Variants in NKAIN2 observed in about 807,000 individuals in gnomAD.
NKAIN2 encodes the protein sodium/potassium-transporting ATPase subunit beta-1-interacting protein 2.
In NKAIN2, 14 loss-of-function variants were observed where a neutral mutation model predicts 32.6. The ratio of observed to expected loss-of-function variants is 0.43; its 90% CI spans 0.28 to 0.67. NKAIN2 has a LOEUF of 0.67. Among genes scored for constraint, NKAIN2 ranks in the 30% least tolerant of loss-of-function variants. The pLI, the probability that NKAIN2 is intolerant of heterozygous loss-of-function variation, is 0.17. For synonymous variants in NKAIN2, 80 were observed against 87.2 expected, an observed-to-expected ratio of 0.92 and a Z score of 0.46; for missense variants, 198 against 258.3, an observed-to-expected ratio of 0.77 and a Z score of 1.60.
intron 3 of NKAIN2, among the ~76,000 whole-genome samples, chr6:124,604,994 A>C (rs2114987563): frequency 6.6e-6 from 1 of 151,984 alleles, no homozygotes; most frequent in African/African-American, 2.4e-5. Flanking sequence ...GAAAAGAAAA[A>C]CCCGGGCTTC....
intron 2 of NKAIN2, among the ~76,000 whole-genome samples, chr6:124,354,688 A>T (rs1798886773): frequency 6.6e-6 from 1 of 152,162 alleles, no homozygotes; most frequent in African/African-American, 2.4e-5. Flanking sequence ...GTTGTATCAG[A>T]CATATATGTT....
intron 2 of NKAIN2, among the ~76,000 whole-genome samples, chr6:124,307,312 T>G (rs1259673955): frequency 6.6e-6 from 1 of 152,162 alleles, no homozygotes; most frequent in Non-Finnish European, 1.5e-5. Flanking sequence ...TAAAATTTCT[T>G]GAACAACATG....
chr6:124,568,467 A>G (rs1781003295), intron 3 of NKAIN2, among the ~76,000 whole-genome samples: 2 of 152,182 alleles, frequency 1.3e-5, no homozygotes, highest in South Asian at 2.1e-4. Flanking sequence ...TAGGATGGCT[A>G]ATATTATTTT....
intron 1 of NKAIN2, among the ~76,000 whole-genome samples, chr6:123,860,402 G>A (rs2171970): frequency 0.77 from 117,412 of 152,128 alleles, 45,748 homozygotes; most frequent in Non-Finnish European, 0.81. Flanking sequence ...AGCGTTTAAA[G>A]TAATAGTGTA....
intron 3 of NKAIN2, among the ~76,000 whole-genome samples, chr6:124,408,313 G>A (rs940558409): frequency 9.2e-5 from 14 of 152,054 alleles, no homozygotes; most frequent in Admixed American, 5.9e-4. Context: ...TTTCTTCTAG[G>A]GTTTTTATGG....
At chr6:123,808,393 G>A (rs1254220777) in intron 1 of NKAIN2, among the ~76,000 whole-genome samples, 1 of 152,122 alleles carries the variant, frequency 6.6e-6, no homozygotes, top group Non-Finnish European at 1.5e-5. Flanking sequence ...AATATGTTGA[G>A]TTTGCTAAGT....
At chr6:124,760,201 G>A (rs1417628166) in intron 4 of NKAIN2, among the ~76,000 whole-genome samples, 1 of 152,080 alleles carries the variant, frequency 6.6e-6, no homozygotes, top group African/African-American at 2.4e-5. Flanking sequence ...GCTAAATGAT[G>A]AGAACTCATG....
chr6:124,719,604 T>A (rs1775921105), intron 4 of NKAIN2, among the ~76,000 whole-genome samples: 1 of 152,120 alleles, frequency 6.6e-6, no homozygotes, highest in South Asian at 2.1e-4. Flanking sequence ...TGTTTTACTT[T>A]CCCAAAGACA....
intron 4 of NKAIN2, among the ~76,000 whole-genome samples, chr6:124,782,275 A>G (rs1236507070): frequency 6.6e-6 from 1 of 152,084 alleles, no homozygotes; most frequent in Non-Finnish European, 1.5e-5. Context: ...TCATTTTTGT[A>G]TAATATTAAT....
chr6:124,645,840 T>G (rs1012972145), intron 3 of NKAIN2, among the ~76,000 whole-genome samples: 1 of 152,174 alleles, frequency 6.6e-6, no homozygotes, highest in Admixed American at 6.5e-5. Flanking sequence ...CTTTGCTCTG[T>G]TCACTCCTTC....
At chr6:124,108,754 A>G (rs1267970891) in intron 1 of NKAIN2, among the ~76,000 whole-genome samples, 1 of 151,998 alleles carries the variant, frequency 6.6e-6, no homozygotes, top group Non-Finnish European at 1.5e-5. Context: ...AATCTTTTGC[A>G]TGTGGATACT....
intron 3 of NKAIN2, among the ~76,000 whole-genome samples, chr6:124,552,145 G>A (rs553460907): frequency 5.3e-5 from 8 of 152,192 alleles, no homozygotes; most frequent in Non-Finnish European, 1.2e-4. Context: ...TTGACATGCA[G>A]AAACTCTCAT....
intron 3 of NKAIN2, among the ~76,000 whole-genome samples, chr6:124,414,928 C>T (rs1254692834): frequency 6.6e-6 from 1 of 151,808 alleles, no homozygotes. Context: ...TATTGATCCT[C>T]TCTAAGAATC....
intron 3 of NKAIN2, among the ~76,000 whole-genome samples, chr6:124,523,142 C>CAAAA (rs60961771): frequency 9.5e-5 from 11 of 115,940 alleles, no homozygotes; most frequent in African/African-American, 3.2e-4. Flanking sequence ...GACTCCGTCT[C>CAAAA]AAAAAAAAAA....
At chr6:124,315,924 A>G (rs1055371797) in intron 2 of NKAIN2, among the ~76,000 whole-genome samples, 1 of 152,110 alleles carries the variant, frequency 6.6e-6, no homozygotes, top group East Asian at 1.9e-4. Flanking sequence ...TCAAGTTAAA[A>G]TGTTCTTATG....
At chr6:124,616,967 T>C (rs1405005533) in intron 3 of NKAIN2, among the ~76,000 whole-genome samples, 1 of 152,162 alleles carries the variant, frequency 6.6e-6, no homozygotes, top group Non-Finnish European at 1.5e-5. Flanking sequence ...AGCTCTCTGC[T>C]TCCTAAACAA....
At chr6:124,674,567 C>T (rs1562317893) in intron 4 of NKAIN2, among the ~76,000 whole-genome samples, 4 of 151,642 alleles carry the variant, frequency 2.6e-5, no homozygotes, top group Non-Finnish European at 1.5e-5. Flanking sequence ...GGGTACAAGC[C>T]TTTCATATCA....
chr6:124,041,835 A>AT (rs951455112), intron 1 of NKAIN2, among the ~76,000 whole-genome samples: 14 of 152,242 alleles, frequency 9.2e-5, no homozygotes, highest in African/African-American at 3.1e-4. Flanking sequence ...ACTAAGTTCA[A>AT]TTTTAACCTA....
intron 4 of NKAIN2, among the ~76,000 whole-genome samples, chr6:124,693,535 C>T (rs138661030): frequency 6.6e-6 from 1 of 152,024 alleles, no homozygotes; most frequent in Non-Finnish European, 1.5e-5. Context: ...GTAGTGTTAT[C>T]GAAAAAAGCC....
Sources: allele counts gnomAD v4.1 joint callset (sites outside exome capture counted in the v4.1 genomes callset), GRCh38; gene constraint gnomAD v4.1.1; transcripts MANE v1.5; gene names NCBI Gene and HGNC (gene_info 2026-07-23, HGNC 2026-07-21).